PNPLA7: variants seen among roughly 807,000 people sequenced by gnomAD.
PNPLA7 encodes the protein patatin like domain 7, lysophospholipase, also known as patatin-like phospholipase domain-containing protein 7.
Under a neutral mutation model 161.7 loss-of-function variants are expected in PNPLA7, and 153 were observed. The observed-to-expected ratio is 0.95, with a 90% CI of 0.83 to 1.08. The LOEUF (loss-of-function observed/expected upper bound fraction) is 1.08. Among genes scored for constraint, PNPLA7 ranks in the 50% least tolerant of loss-of-function variants. PNPLA7 has a pLI of 0.00. For synonymous variants in PNPLA7, 809 were observed against 782.1 expected (o/e 1.03, Z -0.57); for missense variants, 1,739 against 1,856.6 (o/e 0.94, Z 1.16).
intron 21 of PNPLA7, among the ~76,000 whole-genome samples, chr9:137,482,795 G>A (rs1056977022): frequency 2.0e-5 from 3 of 152,264 alleles, no homozygotes; most frequent in Non-Finnish European, 2.9e-5. Context: ...AGGAGCCCTG[G>A]CGAAGGGCAC....
intron 25 of PNPLA7, among the ~76,000 whole-genome samples, chr9:137,474,177 T>C (rs1287127534): frequency 3.0e-4 from 45 of 152,170 alleles, no homozygotes; most frequent in East Asian, 1.9e-4. Flanking sequence ...AGGTGGAGGT[T>C]GCAGTGAGCT....
chr9:137,526,499 A>C (rs532913440), intron 8 of PNPLA7, among the ~76,000 whole-genome samples: 1 of 152,100 alleles, frequency 6.6e-6, no homozygotes, highest in Non-Finnish European at 1.5e-5. Context: ...GGATGGTCTC[A>C]ATCTCCTGAC....
chr9:137,464,683 C>A, intron 26 of PNPLA7: 1 of 565,000 alleles, frequency 1.8e-6, no homozygotes, highest in Non-Finnish European at 3.2e-6. Context: ...CCCTCGGTCC[C>A]TTCCTGATCC....
chr9:137,465,947 C>T lies in PNPLA7; in HGVS notation c.3039+1370G>A, dbSNP rs76844712. 1.3e-3 allele frequency among the ~76,000 whole-genome samples: 196 copies of T among 152,272 alleles called. 5 individuals carry two copies. The East Asian group carries it at 0.033, about 26-fold the overall frequency. ...CCTGTTCTCACTGTTGTCTTTGATTCTGTATTTGGTATTCTGATTCTGGAA... is the reference window on the plus strand; with the variant it reads ...CCTGTTCTCACTGTTGTCTTTGATTTTGTATTTGGTATTCTGATTCTGGAA... On this transcript the variant is annotated intron_variant, in intron 26 of 34. Transcript: ENST00000406427.
chr9:137,505,187 CAAAAAAAA>C (rs1030910942), intron 14 of PNPLA7, among the ~76,000 whole-genome samples: 20 of 57,040 alleles, frequency 3.5e-4, no homozygotes, highest in African/African-American at 1.5e-3. Flanking sequence ...GACTCTGTCT[CAAAAAAAA>C]AAAAAAAAAA....
chr9:137,461,457 G>T, intron 33 of PNPLA7, 79 bp downstream of exon 33: 3 of 1,431,414 alleles, frequency 2.1e-6, no homozygotes, highest in Non-Finnish European at 2.8e-6. Flanking sequence ...GTGGGCCTCT[G>T]GGGTGGGGGG....
chr9:137,470,139 G>A (rs968954908), intron 25 of PNPLA7, among the ~76,000 whole-genome samples: 1 of 151,848 alleles, frequency 6.6e-6, no homozygotes, highest in African/African-American at 2.4e-5. Context: ...TCCCCCTCCT[G>A]CCTCCGCCTC....
At position 137,476,709 on chromosome 9, in the gene PNPLA7, A is replaced by G. The variant is rs892781072; in HGVS notation, c.2882+1325T>C. Among the ~76,000 whole-genome samples, 1 of 152,184 alleles carries G rather than the reference A, an allele frequency of 6.6e-6. No individual in the cohort carries two copies. The highest frequency in any genetic ancestry group is 2.4e-5 in the African/African-American group (1 of 41,444). The stretch of plus-strand genomic sequence containing the variant: ...CCTTGATCAAAGCTACTTTCTCATT[A>G]AAAATGCTGCTGATGTGGCCTGGGC... On this transcript the variant is annotated intron_variant, in intron 25 of 34. Transcript: ENST00000406427. The surrounding 1 kb of genome is among the most constrained non-coding windows in gnomAD (Gnocchi z 4.5).
chr9:137,462,548 G>C, intron 30 of PNPLA7, 137 bp downstream of exon 30: 2 of 1,412,412 alleles, frequency 1.4e-6, no homozygotes, highest in Non-Finnish European at 1.9e-6. Flanking sequence ...TTGGGCTCAG[G>C]CAGGGGTGGT....
chr9:137,539,601 G>A lies in PNPLA7; in HGVS notation c.747+1041C>T, dbSNP rs142567568. On this transcript the variant is annotated intron_variant, in intron 8 of 34. Transcript: ENST00000406427. ...AGAGAATTGCTTGAGCCCAGGAGGCGGAGGTTGCAATGAGCAAAGATCATG... is the reference window on the plus strand; with the variant it reads ...AGAGAATTGCTTGAGCCCAGGAGGCAGAGGTTGCAATGAGCAAAGATCATG... Among the ~76,000 whole-genome samples the A allele has an allele frequency of 2.0e-4, 31 of 152,176 alleles. 1 individual carries two copies. The highest frequency in any genetic ancestry group is 1.6e-3 in the Admixed American group (25 of 15,276).
At chr9:137,542,869 G>C in intron 6 of PNPLA7, 68 bp from the exon 7 acceptor site, 1 of 1,531,320 alleles carries the variant, frequency 6.5e-7, no homozygotes, top group Admixed American at 1.8e-5. Context: ...CAAGAGTCTC[G>C]AGAGCACACG....
At chr9:137,496,653 G>A (rs1833074694) in intron 18 of PNPLA7, among the ~76,000 whole-genome samples, 1 of 152,172 alleles carries the variant, frequency 6.6e-6, no homozygotes, top group East Asian at 1.9e-4. Flanking sequence ...GGAGGTTGCA[G>A]TGAGTTGAGA....
intron 30 of PNPLA7, 59 bp downstream of exon 30, chr9:137,462,626 G>A: frequency 6.3e-7 from 1 of 1,589,534 alleles, no homozygotes; most frequent in South Asian, 1.1e-5. Context: ...CCGCAGGACA[G>A]GTGTGGAGCT....
Position 137,478,043 on chromosome 9 carries a change from C to T in PNPLA7, c.2873G>A (p.Gly958Glu). 7.0e-7 allele frequency: 1 copy of T among 1,427,022 alleles called. No homozygotes were observed. 88.4% of individuals were successfully genotyped at this position (1,427,022 alleles called of 1,614,324 possible). ...AAGCGGGGGGACTCACCTTGCTCCC[C>T]CTCCCCCAAGCACCAGGGCAATGGC... ...GNAIALVLGGGGARGCAQVGV... is the reference protein window; with the variant it reads ...GNAIALVLGGEGARGCAQVGV... Residue 958 changes from glycine (G) to glutamate (E), a missense_variant, in exon 25 of 35, where the codon GGG (glycine) becomes GAG (glutamate). Gly to Glu is a moderately conservative substitution (Grantham distance 98, BLOSUM62 -2). Transcript: ENST00000406427.
intron 22 of PNPLA7, 179 bp downstream of exon 22, chr9:137,480,781 G>C: frequency 1.2e-6 from 1 of 807,050 alleles, no homozygotes; most frequent in Non-Finnish European, 1.9e-6. Flanking sequence ...ACAGTGCCCA[G>C]CAGGTCAGCG....
At chr9:137,513,394 T>C (rs1229730662) in intron 12 of PNPLA7, among the ~76,000 whole-genome samples, 1 of 151,620 alleles carries the variant, frequency 6.6e-6, no homozygotes, top group Non-Finnish European at 1.5e-5. Context: ...GAGAATCACT[T>C]GGACCTGGGA....
At chr9:137,460,912 T>G in intron 33 of PNPLA7, 175 bp from the exon 34 acceptor site, 1 of 595,108 alleles carries the variant, frequency 1.7e-6, no homozygotes, top group Non-Finnish European at 3.0e-6. Flanking sequence ...CCCCTGGTTC[T>G]GTCTGGCTCC....
intron 11 of PNPLA7, 135 bp from the exon 12 acceptor site, chr9:137,515,654 C>T (rs1046639035): frequency 9.7e-6 from 11 of 1,138,650 alleles, no homozygotes; most frequent in South Asian, 5.0e-5. Context: ...ACCAGCCCAC[C>T]GGCCACCAGG....
chr9:137,467,527 C>T lies in PNPLA7; in HGVS notation c.2883-54G>A, dbSNP rs777184749. The T allele has an allele frequency of 2.4e-5, 38 of 1,587,082 alleles. No homozygotes were observed. The highest frequency in any genetic ancestry group is 2.7e-5 in the Non-Finnish European group (31 of 1,165,828). On this transcript the variant is annotated intron_variant, in intron 25 of 34. Coordinates refer to ENST00000406427, the MANE Select transcript of PNPLA7 (RefSeq NM_001098537.3). This position sits in a 1 kb window ranked among gnomAD's most constrained non-coding sequence, Gnocchi z 5.1. ...AGTGAGTACCAGGCCCAGGCTGCGCCCTGCAGAGGCCTTGTGCTCATCCTC... is the reference window on the plus strand; with the variant it reads ...AGTGAGTACCAGGCCCAGGCTGCGCTCTGCAGAGGCCTTGTGCTCATCCTC...
Sources: allele counts gnomAD v4.1 joint callset (sites outside exome capture counted in the v4.1 genomes callset), GRCh38; gene constraint gnomAD v4.1.1; non-coding constraint Gnocchi (gnomAD v3.1); transcripts MANE v1.5; gene names NCBI Gene and HGNC (gene_info 2026-07-23, HGNC 2026-07-21).